The following CUL1 variants were observed in gnomAD, a reference collection of about 807,000 sequenced individuals.
The protein encoded by CUL1 is cullin 1, also known as cullin-1.
In CUL1, 24 loss-of-function variants were observed where a neutral mutation model predicts 118.0. The observed-to-expected ratio is 0.20, with a 90% CI of 0.15 to 0.29. The LOEUF (loss-of-function observed/expected upper bound fraction) is 0.29, where lower values mean the gene tolerates loss of function less well. CUL1 is among the 10% of genes least tolerant of loss of function. The probability of loss-of-function intolerance (pLI) is 1.00; values close to 1 mark genes in which losing one functional copy is unlikely to be tolerated. For missense variants in CUL1, 361 were observed against 933.8 expected, an observed-to-expected ratio of 0.39 and a Z score of 7.99; for synonymous variants, 332 against 340.4, an observed-to-expected ratio of 0.98 and a Z score of 0.27.
Position 148,766,575 on chromosome 7 carries a change from G to A in CUL1, c.804G>A (p.Leu268=), listed in dbSNP as rs145679557. 2.5e-6 allele frequency: 4 copies of A among 1,607,982 alleles called. No homozygotes were observed. The South Asian group carries it at 3.4e-5, about 14-fold the overall frequency. Residue 268 remains leucine, a synonymous_variant, in exon 8 of 22, where the codon CTG becomes CTA. Transcript: ENST00000325222. ...ATTTTCTCCAGGCAGAGGCTCGTCT[G>A]CTTGAGGAACAACGAAGAGTTCAGG... ...TEYMKKAEAR[L]LEEQRRVQVY... is the part of the protein sequence containing the mutation.
intron 9 of CUL1, among the ~76,000 whole-genome samples, chr7:148,770,682 TG>T (rs1359148551): frequency 3.3e-5 from 5 of 152,204 alleles, no homozygotes; most frequent in African/African-American, 9.6e-5. Flanking sequence ...TCGCCATCTC[TG>T]GGAAAGCCCA....
chr7:148,736,426 A>G (rs1037946126), intron 2 of CUL1, among the ~76,000 whole-genome samples: 3 of 151,756 alleles, frequency 2.0e-5, no homozygotes, highest in Non-Finnish European at 4.4e-5. Flanking sequence ...CCCCACCTCA[A>G]CCTCCTGAGT....
chr7:148,710,584 C>A (rs1798018653), intron 1 of CUL1, among the ~76,000 whole-genome samples: 1 of 152,084 alleles, frequency 6.6e-6, no homozygotes, highest in East Asian at 1.9e-4. Flanking sequence ...AAAATACGAG[C>A]AAATGTAAAT....
chr7:148,716,977 A>G lies in CUL1; in HGVS notation c.-161-12985A>G, dbSNP rs141673832. Among the ~76,000 whole-genome samples the G allele has an allele frequency of 1.8e-3, 274 of 152,320 alleles. 10 individuals carry two copies. In the East Asian group the frequency reaches 0.046, roughly 26 times the overall value. Reference sequence around the variant, plus strand: ...ATCTGTCATGTTATTAGATCTGGCAAATTCCTGTTCTTACCATGGAACATT... The same window carrying G: ...ATCTGTCATGTTATTAGATCTGGCAGATTCCTGTTCTTACCATGGAACATT... On this transcript the variant is annotated intron_variant, in intron 1 of 21. Transcript: ENST00000325222.
intron 16 of CUL1, 143 bp downstream of exon 16, chr7:148,790,584 T>A: frequency 1.4e-6 from 1 of 720,624 alleles, no homozygotes; most frequent in Non-Finnish European, 2.2e-6. Context: ...CATGGAGTTG[T>A]AAGAATCAGA....
chr7:148,787,174 G>C lies in CUL1; in HGVS notation c.1479+54G>C. On this transcript the variant is annotated intron_variant, in intron 13 of 21. Transcript: ENST00000325222. This position sits in a 1 kb window ranked among gnomAD's most constrained non-coding sequence, Gnocchi z 5.5. ...CAGCTTCTGAGTCATTATTAAAACA[G>C]CTCTATGGCCGAGCGCGGTGGCTCA... 6.3e-7 allele frequency: 1 copy of C among 1,591,224 alleles called. No homozygotes were observed. Among genetic ancestry groups the C allele is most frequent in the South Asian group, 1.1e-5 (1 of 89,820 alleles).
intron 1 of CUL1, among the ~76,000 whole-genome samples, chr7:148,725,198 TACACAC>T (rs147863334): frequency 1.1e-4 from 12 of 106,752 alleles, no homozygotes; most frequent in African/African-American, 3.2e-4. Flanking sequence ...TGCGCGCGTG[TACACAC>T]ACACACACGC....
chr7:148,783,100 C>G (rs916569909), intron 9 of CUL1, among the ~76,000 whole-genome samples: 1 of 151,954 alleles, frequency 6.6e-6, no homozygotes, highest in Admixed American at 6.6e-5. Flanking sequence ...CTGTTTTTCT[C>G]ATTAGCACTT....
chr7:148,709,831 T>C (rs570149118), intron 1 of CUL1, among the ~76,000 whole-genome samples: 54 of 152,108 alleles, frequency 3.6e-4, no homozygotes, highest in African/African-American at 1.2e-3. Flanking sequence ...CGTCTGTAAT[T>C]TGAATACTTA....
At chr7:148,738,611 C>T (rs1799039355) in intron 2 of CUL1, among the ~76,000 whole-genome samples, 1 of 152,146 alleles carries the variant, frequency 6.6e-6, no homozygotes, top group Non-Finnish European at 1.5e-5. Flanking sequence ...AGCAAAGAAC[C>T]TCAGAGTTTT....
At chr7:148,794,907 C>T (rs1349169740) in intron 17 of CUL1, among the ~76,000 whole-genome samples, 2 of 152,230 alleles carry the variant, frequency 1.3e-5, no homozygotes, top group African/African-American at 4.8e-5. Flanking sequence ...TCTTGGCTCA[C>T]TGCAACCTCC....
chr7:148,761,878 C>T (rs906760121), intron 7 of CUL1, among the ~76,000 whole-genome samples: 3 of 152,156 alleles, frequency 2.0e-5, no homozygotes, highest in Non-Finnish European at 4.4e-5. Context: ...GGTTTTGGGA[C>T]GAAACTGTTC....
intron 12 of CUL1, 102 bp from the exon 13 acceptor site, chr7:148,786,887 A>C: frequency 6.7e-7 from 1 of 1,484,842 alleles, no homozygotes; most frequent in Non-Finnish European, 9.1e-7. Flanking sequence ...CCCAAAGCCA[A>C]AGGCACATCT....
intron 9 of CUL1, among the ~76,000 whole-genome samples, chr7:148,769,448 C>A (rs963675178): frequency 3.8e-5 from 5 of 131,304 alleles, no homozygotes; most frequent in South Asian, 2.4e-4. Flanking sequence ...CACACACACA[C>A]AAAACGCTCA....
intron 1 of CUL1, among the ~76,000 whole-genome samples, chr7:148,727,785 T>G (rs924378017): frequency 3.3e-5 from 5 of 151,308 alleles, no homozygotes; most frequent in African/African-American, 1.2e-4. Context: ...GACATCTGTG[T>G]GGCTGAACCT....
At chr7:148,711,817 CAT>C (rs1424911618) in intron 1 of CUL1, among the ~76,000 whole-genome samples, 1 of 152,220 alleles carries the variant, frequency 6.6e-6, no homozygotes, top group Non-Finnish European at 1.5e-5. Context: ...GTTCACCACA[CAT>C]GAGGGAAATT....
intron 9 of CUL1, among the ~76,000 whole-genome samples, chr7:148,777,754 T>C (rs2129461915): frequency 1.3e-5 from 2 of 151,968 alleles, no homozygotes; most frequent in East Asian, 3.9e-4. Context: ...TTGTTTAACA[T>C]TGCCAGGACA....
In CUL1 at chr7:148,798,036, A is replaced by C. The variant is rs1270242050; in HGVS notation, c.2030+17A>C. 5 of 1,458,356 alleles carry C rather than the reference A, an allele frequency of 3.4e-6. No individual in the cohort carries two copies. The East Asian group carries it at 9.2e-5, about 27-fold the overall frequency. 90.3% of individuals were successfully genotyped at this position (1,458,356 alleles called of 1,614,324 possible). On this transcript the variant is annotated intron_variant, in intron 19 of 21. Transcript: ENST00000325222. ...TTATAAAAAGTAAGAAAAATCTAAT[A>C]AGTAGATGGCCCTTGACCATAGACA...
chr7:148,699,919 T>C (rs1342749170), intron 1 of CUL1, among the ~76,000 whole-genome samples: 1 of 151,694 alleles, frequency 6.6e-6, no homozygotes, highest in East Asian at 1.9e-4. Flanking sequence ...CGCTTTTTTT[T>C]CCCTTAAGAT....
Sources: allele counts gnomAD v4.1 joint callset (sites outside exome capture counted in the v4.1 genomes callset), GRCh38; gene constraint gnomAD v4.1.1; non-coding constraint Gnocchi (gnomAD v3.1); transcripts MANE v1.5; gene names NCBI Gene and HGNC (gene_info 2026-07-23, HGNC 2026-07-21).